POLR2C: variants seen among roughly 807,000 people sequenced by gnomAD.
POLR2C encodes the protein RNA polymerase II subunit C, also known as DNA-directed RNA polymerase II subunit RPB3.
POLR2C carries 36 observed loss-of-function variants against 41.7 expected under a neutral mutation model. The ratio of observed to expected loss-of-function variants is 0.86; its 90% CI spans 0.66 to 1.14. The LOEUF is 1.14. POLR2C is among the 50% of genes most tolerant of loss of function. POLR2C has a pLI of 0.00. For missense variants in POLR2C, 260 were observed against 350.4 expected (o/e 0.74, Z 2.06); for synonymous variants, 133 against 137.8 (o/e 0.96, Z 0.25).
In POLR2C at chr16:57,469,949, C is replaced by G. The variant is rs753018089; in HGVS notation, c.440-12C>G. The G allele has an allele frequency of 7.5e-6, 12 of 1,610,412 alleles. No homozygotes were observed. Among genetic ancestry groups the G allele is most frequent in the Non-Finnish European group, 9.3e-6 (11 of 1,179,138 alleles). ...CTCCTGGCCCTTGACTGACTTGTGC[C>G]TCTCCCTGCAGACATCCTCATCGTC... On this transcript the variant is annotated splice_polypyrimidine_tract_variant and intron_variant, in intron 6 of 8. Coordinates refer to ENST00000219252, the MANE Select transcript of POLR2C (RefSeq NM_032940.3). This position sits in a 1 kb window ranked among gnomAD's most constrained non-coding sequence, Gnocchi z 5.8.
intron 3 of POLR2C, 58 bp from the exon 4 acceptor site, chr16:57,466,117 G>T: frequency 6.7e-7 from 1 of 1,489,674 alleles, no homozygotes; most frequent in Non-Finnish European, 9.4e-7. Flanking sequence ...AGGCTTCTGG[G>T]TTCTCATTTT....
chr16:57,467,820 A>G (rs1372836480), intron 4 of POLR2C, among the ~76,000 whole-genome samples: 1 of 152,108 alleles, frequency 6.6e-6, no homozygotes, highest in African/African-American at 2.4e-5. Context: ...TTTTCCCCAA[A>G]TATCCTTTAT....
intron 1 of POLR2C, 25 bp from the exon 2 acceptor site, chr16:57,463,004 C>T: frequency 6.2e-7 from 1 of 1,608,452 alleles, no homozygotes; most frequent in Non-Finnish European, 8.5e-7. Flanking sequence ...AGCGCCTTCA[C>T]GCCCCTTGGC....
chr16:57,469,938 C>G lies in POLR2C; in HGVS notation c.440-23C>G, dbSNP rs1416527663. On this transcript the variant is annotated intron_variant, in intron 6 of 8. Coordinates refer to ENST00000219252, the MANE Select transcript of POLR2C (RefSeq NM_032940.3). The surrounding 1 kb of genome is among the most constrained non-coding windows in gnomAD (Gnocchi z 5.8). ...GAAGCATGTCTCTCCTGGCCCTTGA[C>G]TGACTTGTGCCTCTCCCTGCAGACA... 6.2e-7 allele frequency: 1 copy of G among 1,610,880 alleles called. No individual in the cohort carries two copies. Among genetic ancestry groups the G allele is most frequent in the Non-Finnish European group, 8.5e-7 (1 of 1,178,284 alleles).
rs1440169201 is a variant in POLR2C at position 57,463,052 on chromosome 16, T to A, written c.110T>A (p.Val37Asp). The change falls in exon 2 of 9, where the codon GTC becomes GAC. Residue 37 changes from valine (V) to aspartate (D), a missense_variant. Physicochemically the swap from Val to Asp is radical, Grantham distance 152 (BLOSUM62 -3). Coordinates refer to ENST00000219252, the MANE Select transcript of POLR2C (RefSeq NM_032940.3). ...AGGGTGGCCAATTCGATTCGGAGGG[T>A]CTTCATCGCTGAGGTTCCCATAATA... is the stretch of plus-strand genomic sequence containing the variant. ...DLAVANSIRR[V>D]FIAEVPIIAI... is the part of the protein sequence containing the mutation. 1.2e-6 allele frequency: 2 copies of A among 1,613,600 alleles called. No individual in the cohort carries two copies. Among genetic ancestry groups the A allele is most frequent in the Non-Finnish European group, 1.7e-6 (2 of 1,179,648 alleles).
chr16:57,469,777 C>A lies in POLR2C; in HGVS notation c.439+16C>A. 1 of 1,610,400 alleles carries A rather than the reference C, an allele frequency of 6.2e-7. No homozygotes were observed. On this transcript the variant is annotated intron_variant, in intron 6 of 8. Coordinates refer to ENST00000219252, the MANE Select transcript of POLR2C (RefSeq NM_032940.3). This position sits in a 1 kb window ranked among gnomAD's most constrained non-coding sequence, Gnocchi z 5.8. ...GAGCAGGATGGTAAGTCTTCCTGACCTGTCACCGTGTGGGCCAGCGGGAAG... is the reference window on the plus strand; with the variant it reads ...GAGCAGGATGGTAAGTCTTCCTGACATGTCACCGTGTGGGCCAGCGGGAAG...
chr16:57,469,656 A>G lies in POLR2C; in HGVS notation c.388-54A>G. The G allele has an allele frequency of 7.0e-7, 1 of 1,421,864 alleles. No individual in the cohort carries two copies. 88.1% of individuals were successfully genotyped at this position (1,421,864 alleles called of 1,614,324 possible). A position where few individuals can be genotyped will look rare whatever the true frequency, so the allele number is the denominator to read the frequency against. On this transcript the variant is annotated intron_variant, in intron 5 of 8. Transcript: ENST00000219252. This position sits in a 1 kb window ranked among gnomAD's most constrained non-coding sequence, Gnocchi z 5.8. ...AGAGGTGCTGGGATATGGATGCCAG[A>G]GGAGGTGACTGGGGAGGTGAGCAGC...
Position 57,471,224 on chromosome 16 carries a change from G to C in POLR2C, c.*105G>C, listed in dbSNP as rs1159067592. ...TTTCTGAGAATCTAGTCTACTGTTG[G>C]TTGAGCTTCTTGGCAGGACATCAGT... On this transcript the variant is annotated 3_prime_UTR_variant, in exon 9 of 9. Coordinates refer to ENST00000219252, the MANE Select transcript of POLR2C (RefSeq NM_032940.3). 2.0e-6 allele frequency: 2 copies of C among 1,001,590 alleles called. No homozygotes were observed. Among genetic ancestry groups the C allele is most frequent in the Non-Finnish European group, 1.5e-6 (1 of 656,520 alleles). The allele number at this position is 1,001,590 out of a possible 1,614,324, so 62.0% of individuals were successfully genotyped here.
chr16:57,464,683 A>G (rs1431801624), intron 2 of POLR2C, among the ~76,000 whole-genome samples: 1 of 4,332 alleles, frequency 2.3e-4, no homozygotes, highest in Non-Finnish European at 4.3e-4. Flanking sequence ...CCCCCCAGTC[A>G]CTTCTTAAAT....
chr16:57,468,316 C>A (rs1388808144), intron 4 of POLR2C, among the ~76,000 whole-genome samples: 1 of 152,198 alleles, frequency 6.6e-6, no homozygotes, highest in Non-Finnish European at 1.5e-5. Context: ...TGTGCCCAGC[C>A]CCATTTCATA....
intron 2 of POLR2C, chr16:57,463,415 A>G (rs2030629215): frequency 2.3e-6 from 1 of 435,090 alleles, no homozygotes; most frequent in Non-Finnish European, 4.3e-6. Context: ...GTCAAGGGGT[A>G]CATTGGTGCA....
chr16:57,463,403 G>C (rs1289801539), intron 2 of POLR2C: 2 of 457,582 alleles, frequency 4.4e-6, no homozygotes, highest in Non-Finnish European at 8.0e-6. Context: ...TTTTATTTTG[G>C]AGTCAAGGGG....
chr16:57,463,122 C>T (rs1450643139), intron 2 of POLR2C, 44 bp downstream of exon 2: 1 of 1,451,362 alleles, frequency 6.9e-7, no homozygotes, highest in Admixed American at 1.7e-5. Flanking sequence ...CGGGTTCCTG[C>T]CCCGCTCTCC....
chr16:57,466,771 G>A (rs1421463293), intron 4 of POLR2C, among the ~76,000 whole-genome samples: 3 of 152,118 alleles, frequency 2.0e-5, no homozygotes, highest in East Asian at 1.9e-4. Context: ...GATAGGAGTC[G>A]GTTACCTTCA....
At chr16:57,470,154 C>A (rs750541207) in intron 7 of POLR2C, 25 bp downstream of exon 7, 20 of 1,604,998 alleles carry the variant, frequency 1.2e-5, no homozygotes, top group Non-Finnish European at 1.6e-5. Context: ...GGAGTGATGG[C>A]AGGCATTTGG....
In POLR2C at chr16:57,469,770, T is replaced by C; in HGVS notation, c.439+9T>C. On this transcript the variant is annotated intron_variant, in intron 6 of 8. Coordinates refer to ENST00000219252, the MANE Select transcript of POLR2C (RefSeq NM_032940.3). This position sits in a 1 kb window ranked among gnomAD's most constrained non-coding sequence, Gnocchi z 5.8. ...CTACGTGGAGCAGGATGGTAAGTCT[T>C]CCTGACCTGTCACCGTGTGGGCCAG... The C allele has an allele frequency of 6.2e-7, 1 of 1,611,042 alleles. No individual in the cohort carries two copies. Among genetic ancestry groups the C allele is most frequent in the Non-Finnish European group, 8.5e-7 (1 of 1,178,966 alleles).
Position 57,467,015 on chromosome 16 carries a change from C to T in POLR2C, c.258+788C>T, listed in dbSNP as rs538214411. Among the ~76,000 whole-genome samples, 35 of 152,286 alleles carry T rather than the reference C, an allele frequency of 2.3e-4. No individual in the cohort carries two copies. The East Asian group carries it at 6.4e-3, about 28-fold the overall frequency. On this transcript the variant is annotated intron_variant, in intron 4 of 8. Transcript: ENST00000219252. The stretch of plus-strand genomic sequence containing the variant: ...TTGGGAGGCCGAGGCGGGTTTATCA[C>T]GAGGTCAGGAGATCGAGACCATCCT...
chr16:57,466,305 G>T, intron 4 of POLR2C, 78 bp downstream of exon 4: 1 of 938,500 alleles, frequency 1.1e-6, no homozygotes. Context: ...CTGACATTTG[G>T]CATCCAGCTT....
chr16:57,468,802 G>C (rs1414666015), intron 4 of POLR2C, among the ~76,000 whole-genome samples: 1 of 152,122 alleles, frequency 6.6e-6, no homozygotes, highest in East Asian at 1.9e-4. Flanking sequence ...TTCTTGGGAA[G>C]CTGAACTATA....
Sources: gnomAD v4.1 joint callset for allele counts (sites outside exome capture counted in the v4.1 genomes callset) on GRCh38, gnomAD v4.1.1 for gene constraint, Gnocchi (gnomAD v3.1) non-coding constraint, MANE v1.5 for transcripts, NCBI Gene and HGNC (gene_info 2026-07-23, HGNC 2026-07-21) for gene names.